Variants in BORCS5 observed in about 807,000 individuals in gnomAD.
The protein encoded by BORCS5 is BLOC-1-related complex subunit 5.
BORCS5 carries 17 observed loss-of-function variants against 22.1 expected under a neutral mutation model. The observed-to-expected ratio is 0.77, with a 90% CI of 0.53 to 1.15. The LOEUF (loss-of-function observed/expected upper bound fraction) is 1.15, where lower values mean the gene tolerates loss of function less well. BORCS5 is among the 50% of genes most tolerant of loss of function. BORCS5 has a pLI of 0.00. For missense variants in BORCS5, 247 were observed against 253.2 expected, an observed-to-expected ratio of 0.98 and a Z score of 0.17; for synonymous variants, 117 against 99.8, an observed-to-expected ratio of 1.17 and a Z score of -1.03.
intron 2 of BORCS5, among the ~76,000 whole-genome samples, chr12:12,368,829 C>T (rs923867421): frequency 5.3e-5 from 8 of 151,986 alleles, no homozygotes; most frequent in Non-Finnish European, 8.8e-5. Context: ...CCATCTTCCA[C>T]TTGTGTATTA....
At chr12:12,371,330 T>C (rs1171177803) in intron 2 of BORCS5, among the ~76,000 whole-genome samples, 1 of 152,208 alleles carries the variant, frequency 6.6e-6, no homozygotes, top group Non-Finnish European at 1.5e-5. Context: ...TCTTGCCCTT[T>C]CACCCTGGCT....
Position 12,357,501 on chromosome 12 carries a change from ACTC to A in BORCS5, c.54_56del (p.Ser19del), listed in dbSNP as rs764946008. On this transcript the variant is annotated inframe_deletion, in exon 1 of 4. Transcript: ENST00000314565. ...GCCGAGAGCCGACCCAACGATCTGA[ACTC>A]CTCAGGTCGGTGTCCTAACCTCCCA... 1.9e-6 allele frequency: 3 copies of A among 1,607,398 alleles called. No homozygotes were observed. Among genetic ancestry groups the A allele is most frequent in the African/African-American group, 1.4e-5 (1 of 74,032 alleles).
At chr12:12,435,911 A>G in intron 3 of BORCS5, 126 bp downstream of exon 3, 1 of 932,948 alleles carries the variant, frequency 1.1e-6, no homozygotes, top group Non-Finnish European at 1.5e-6. Flanking sequence ...CCAGCAGTAA[A>G]ATGTGATGAT....
chr12:12,366,006 C>T (rs753930414), intron 2 of BORCS5, among the ~76,000 whole-genome samples: 2 of 152,140 alleles, frequency 1.3e-5, no homozygotes, highest in Non-Finnish European at 2.9e-5. Flanking sequence ...CCTGCTTTGA[C>T]GTTGTTCTGC....
At chr12:12,406,885 A>G (rs1037703259) in intron 2 of BORCS5, among the ~76,000 whole-genome samples, 2 of 152,072 alleles carry the variant, frequency 1.3e-5, no homozygotes, top group African/African-American at 4.8e-5. Context: ...GCAGCCATCC[A>G]TCCTGCTTTG....
chr12:12,416,470 G>T (rs1361852635), intron 2 of BORCS5, among the ~76,000 whole-genome samples: 4 of 151,680 alleles, frequency 2.6e-5, no homozygotes, highest in African/African-American at 9.7e-5. Context: ...TTAGAGATGG[G>T]TATCACTCTG....
chr12:12,404,043 G>T (rs1394283447), intron 2 of BORCS5, among the ~76,000 whole-genome samples: 1 of 152,138 alleles, frequency 6.6e-6, no homozygotes, highest in African/African-American at 2.4e-5. Flanking sequence ...GGCTCATTCA[G>T]TACTTGCACA....
intron 3 of BORCS5, among the ~76,000 whole-genome samples, chr12:12,438,116 T>C (rs1942591828): frequency 6.6e-6 from 1 of 152,110 alleles, no homozygotes; most frequent in South Asian, 2.1e-4. Flanking sequence ...TATAATAAAT[T>C]GGCTTTTTGA....
intron 2 of BORCS5, among the ~76,000 whole-genome samples, chr12:12,375,800 G>GTT (rs201115973): frequency 1.3e-4 from 19 of 150,958 alleles, no homozygotes; most frequent in African/African-American, 4.2e-4. Context: ...AGTAATCATG[G>GTT]TTTTTTTTGT....
Position 12,405,024 on chromosome 12 carries a change from A to G in BORCS5, c.203-30604A>G, listed in dbSNP as rs146508072. Among the ~76,000 whole-genome samples the G allele has an allele frequency of 3.0e-4, 46 of 152,294 alleles. No individual in the cohort carries two copies. In the East Asian group the frequency reaches 4.8e-3, roughly 16 times the overall value. ...CCAGAGAACTACTTTGTGTAAGTCT[A>G]CGAGGCACCATACACACTTTTTCCC... On this transcript the variant is annotated intron_variant, in intron 2 of 3. Transcript: ENST00000314565.
Position 12,471,177 on chromosome 12 carries a change from A to T in BORCS5, c.*5401A>T, listed in dbSNP as rs776150984. On this transcript the variant is annotated 3_prime_UTR_variant, in exon 4 of 4. Transcript: ENST00000314565. ...ACCAAAAGAATGAAACTGTTTTTAC[A>T]TAAGTGCATATTGCTGTCTCTGCAA... 6.6e-6 allele frequency among the ~76,000 whole-genome samples: 1 copy of T among 152,240 alleles called. No homozygotes were observed. Among genetic ancestry groups the T allele is most frequent in the African/African-American group, 2.4e-5 (1 of 41,462 alleles).
chr12:12,395,293 A>G (rs932911894), intron 2 of BORCS5, among the ~76,000 whole-genome samples: 10 of 151,702 alleles, frequency 6.6e-5, no homozygotes, highest in Middle Eastern at 3.2e-3. Context: ...ATTTTGAGAA[A>G]GAGTCTCTCT....
At chr12:12,448,168 T>C (rs1050121206) in intron 3 of BORCS5, among the ~76,000 whole-genome samples, 2 of 152,212 alleles carry the variant, frequency 1.3e-5, no homozygotes, top group Non-Finnish European at 2.9e-5. Flanking sequence ...AAAGCCGCGC[T>C]TCCTTTCCAC....
chr12:12,463,677 CAG>C (rs1240102178), intron 3 of BORCS5, among the ~76,000 whole-genome samples: 3 of 152,194 alleles, frequency 2.0e-5, no homozygotes, highest in Non-Finnish European at 4.4e-5. Context: ...TCAGCATTAA[CAG>C]AAAGTGCCTT....
At chr12:12,415,374 C>G (rs1453167340) in intron 2 of BORCS5, among the ~76,000 whole-genome samples, 1 of 151,440 alleles carries the variant, frequency 6.6e-6, no homozygotes, top group Non-Finnish European at 1.5e-5. Flanking sequence ...CAGCAAAACC[C>G]CGTCTCCACC....
intron 2 of BORCS5, among the ~76,000 whole-genome samples, chr12:12,406,649 A>G (rs558393118): frequency 6.6e-6 from 1 of 152,298 alleles, no homozygotes; most frequent in East Asian, 1.9e-4. Flanking sequence ...AACAAACAAA[A>G]AAAAAACGTG....
chr12:12,373,776 C>T (rs1055097087), intron 2 of BORCS5, among the ~76,000 whole-genome samples: 3 of 151,950 alleles, frequency 2.0e-5, no homozygotes, highest in Non-Finnish European at 4.4e-5. Flanking sequence ...GTTTTGTGAG[C>T]GATTTAGACA....
Position 12,410,547 on chromosome 12 carries a change from C to T in BORCS5, c.203-25081C>T, listed in dbSNP as rs1270014939. 3.9e-5 allele frequency among the ~76,000 whole-genome samples: 6 copies of T among 151,940 alleles called. No individual in the cohort carries two copies. The South Asian group carries it at 6.2e-4, about 16-fold the overall frequency. On this transcript the variant is annotated intron_variant, in intron 2 of 3. Transcript: ENST00000314565. ...AGATCAGATAGTTGTAGATATGCGG[C>T]ATTATTTCTGAGGGCTCTGTTCTGT...
rs963443995 is a variant in BORCS5 at position 12,469,608 on chromosome 12, TG to T, written c.*3834del. On this transcript the variant is annotated 3_prime_UTR_variant, in exon 4 of 4. Coordinates refer to ENST00000314565, the MANE Select transcript of BORCS5 (RefSeq NM_058169.6). ...TTGATTTGTAGAACTTACTTAGCTT[TG>T]GCATTTCCCCTAGTAATTCCCAAGG... 3 of 152,242 alleles carry T rather than the reference TG, an allele frequency of 2.0e-5. No homozygotes were observed. Among genetic ancestry groups the T allele is most frequent in the Non-Finnish European group, 4.4e-5 (3 of 68,042 alleles). The allele number at this position is 152,242 out of a possible 1,614,324, so 9.4% of individuals were successfully genotyped here.
Sources: gnomAD v4.1 joint callset for allele counts (sites outside exome capture counted in the v4.1 genomes callset) on GRCh38, gnomAD v4.1.1 for gene constraint, MANE v1.5 for transcripts, NCBI Gene and HGNC (gene_info 2026-07-23, HGNC 2026-07-21) for gene names.